The following GALNT13 variants were observed in gnomAD, a reference collection of about 807,000 sequenced individuals.
GALNT13 encodes polypeptide N-acetylgalactosaminyltransferase 13.
A neutral mutation model predicts 64.2 loss-of-function variants in GALNT13; 28 were observed. The observed-to-expected ratio is 0.44, with a 90% CI of 0.32 to 0.60. GALNT13 has a LOEUF of 0.60. GALNT13 is among the 20% of genes least tolerant of loss of function. The pLI, the probability that GALNT13 is intolerant of heterozygous loss-of-function variation, is 0.05. For missense variants in GALNT13, 577 were observed against 669.8 expected (o/e 0.86, Z 1.53); for synonymous variants, 214 against 224.6 (o/e 0.95, Z 0.42).
chr2:153,760,138 C>G, the GALNT13 span, among the ~76,000 whole-genome samples: 2 of 151,736 alleles, frequency 1.3e-5, no homozygotes, highest in African/African-American at 4.8e-5. Context: ...TAATTTTTCT[C>G]TTTTTTCTGA....
chr2:153,697,871 A>G, the GALNT13 span, among the ~76,000 whole-genome samples: 2 of 152,200 alleles, frequency 1.3e-5, no homozygotes, highest in Admixed American at 6.5e-5. Context: ...AGCAGTTGGG[A>G]ATTTATTGGC....
At chr2:154,447,146 A>G (rs966281378) in intron 12 of GALNT13, among the ~76,000 whole-genome samples, 8 of 151,960 alleles carry the variant, frequency 5.3e-5, no homozygotes, top group African/African-American at 9.7e-5. Context: ...ACAGGGCCAA[A>G]GAAAGTATTG....
chr2:154,142,916 A>C (rs1683347256), intron 4 of GALNT13, among the ~76,000 whole-genome samples: 2 of 152,162 alleles, frequency 1.3e-5, no homozygotes, highest in South Asian at 4.1e-4. Flanking sequence ...AAATATATAC[A>C]ATAAACAGTC....
At chr2:154,254,156 A>G (rs1690240930) in intron 7 of GALNT13, among the ~76,000 whole-genome samples, 1 of 152,338 alleles carries the variant, frequency 6.6e-6, no homozygotes, top group Admixed American at 6.5e-5. Flanking sequence ...AGAAAAATCC[A>G]GGTGACCAAT....
chr2:154,313,283 C>A (rs1248574942), intron 9 of GALNT13, among the ~76,000 whole-genome samples: 1 of 147,070 alleles, frequency 6.8e-6, no homozygotes, highest in Non-Finnish European at 1.5e-5. Context: ...AACTTAAGTT[C>A]TATTCACTTT....
At chr2:153,996,706 T>C (rs1393332572) in intron 3 of GALNT13, among the ~76,000 whole-genome samples, 1 of 152,198 alleles carries the variant, frequency 6.6e-6, no homozygotes, top group East Asian at 1.9e-4. Flanking sequence ...TTTCTTTTAT[T>C]GCCTGTGCTT....
intron 2 of GALNT13, among the ~76,000 whole-genome samples, chr2:153,919,951 T>A (rs1256131730): frequency 6.7e-6 from 1 of 148,460 alleles, no homozygotes; most frequent in Non-Finnish European, 1.5e-5. Flanking sequence ...TGAATCAACA[T>A]TGTCTAATAC....
the GALNT13 span, among the ~76,000 whole-genome samples, chr2:153,467,315 CT>C: frequency 2.6e-5 from 4 of 152,044 alleles, no homozygotes; most frequent in African/African-American, 9.7e-5. Flanking sequence ...CTAGCAGACT[CT>C]AGATCTACCA....
At chr2:154,221,198 T>G (rs1406102793) in intron 4 of GALNT13, among the ~76,000 whole-genome samples, 1 of 152,050 alleles carries the variant, frequency 6.6e-6, no homozygotes, top group Non-Finnish European at 1.5e-5. Flanking sequence ...ACAGTACTTG[T>G]TGATGCAAAC....
the GALNT13 span, among the ~76,000 whole-genome samples, chr2:153,656,339 T>C: frequency 3.0e-3 from 418 of 141,572 alleles, no homozygotes; most frequent in African/African-American, 8.9e-3. Context: ...TGTGTGTGTG[T>C]GCGCGCGCAC....
At chr2:153,648,880 G>A in the GALNT13 span, among the ~76,000 whole-genome samples, 3 of 152,148 alleles carry the variant, frequency 2.0e-5, no homozygotes, top group Non-Finnish European at 4.4e-5. Flanking sequence ...GTATCTTATT[G>A]AGGATTTTTG....
the GALNT13 span, among the ~76,000 whole-genome samples, chr2:153,715,139 A>C: frequency 6.6e-6 from 1 of 152,210 alleles, no homozygotes; most frequent in Non-Finnish European, 1.5e-5. Flanking sequence ...CCTCACCTCA[A>C]AATCCAATTG....
intron 3 of GALNT13, among the ~76,000 whole-genome samples, chr2:153,945,398 A>G (rs1489260429): frequency 6.6e-6 from 1 of 152,156 alleles, no homozygotes; most frequent in East Asian, 1.9e-4. Context: ...AGAAAATTCA[A>G]TACTTCTAAA....
chr2:154,293,823 A>C (rs1230527697), intron 8 of GALNT13, among the ~76,000 whole-genome samples: 1 of 152,168 alleles, frequency 6.6e-6, no homozygotes, highest in Non-Finnish European at 1.5e-5. Flanking sequence ...ACTCAATTTG[A>C]GTTCTTTCTG....
the GALNT13 span, among the ~76,000 whole-genome samples, chr2:153,442,857 C>G: frequency 1.4e-4 from 22 of 152,242 alleles, no homozygotes; most frequent in Non-Finnish European, 2.9e-4. Context: ...GAGGGGAAAA[C>G]CGCCTACTCA....
chr2:154,110,364 G>C lies in GALNT13; in HGVS notation c.143-29973G>C, dbSNP rs1175384905. On this transcript the variant is annotated intron_variant, in intron 3 of 12. Transcript: ENST00000392825. ...AGAGAGAGAGAGAGAGAGAGAGAGA[G>C]AGAGAGAGAGAGACAGAGAGAGAGA... 1.9e-3 allele frequency among the ~76,000 whole-genome samples: 208 copies of C among 106,820 alleles called. 3 individuals are homozygous for C. The highest frequency in any genetic ancestry group is 7.2e-3 in the East Asian group (11 of 1,524). 70.1% of individuals were successfully genotyped at this position (106,820 alleles called of 152,430 possible).
the GALNT13 span, among the ~76,000 whole-genome samples, chr2:153,093,236 C>CTTTTTT: frequency 2.9e-3 from 374 of 128,872 alleles, 15 homozygotes; most frequent in Non-Finnish European, 4.2e-3. Flanking sequence ...TTTTTCTTTT[C>CTTTTTT]TTTTCTTTTT....
At chr2:154,442,175 G>A (rs1483036652) in intron 12 of GALNT13, among the ~76,000 whole-genome samples, 1 of 151,998 alleles carries the variant, frequency 6.6e-6, no homozygotes, top group Non-Finnish European at 1.5e-5. Context: ...AGGGGGAAAG[G>A]TGTTCTACAA....
chr2:153,206,802 CCTT>C, the GALNT13 span, among the ~76,000 whole-genome samples: 1 of 151,950 alleles, frequency 6.6e-6, no homozygotes, highest in African/African-American at 2.4e-5. Flanking sequence ...AATTTCTGTA[CCTT>C]CTTTAAAATA....
Sources: gnomAD v4.1 joint callset for allele counts (sites outside exome capture counted in the v4.1 genomes callset) on GRCh38, gnomAD v4.1.1 for gene constraint, MANE v1.5 for transcripts, NCBI Gene and HGNC (gene_info 2026-07-23, HGNC 2026-07-21) for gene names.